The following MSI1 variants were observed in gnomAD, a reference collection of about 807,000 sequenced individuals.
MSI1 encodes musashi RNA binding protein 1, also known as RNA-binding protein Musashi homolog 1.
Under a neutral mutation model 54.4 loss-of-function variants are expected in MSI1, and 15 were observed. The ratio of observed to expected loss-of-function variants is 0.28; its 90% CI spans 0.18 to 0.42. The LOEUF is 0.42. Ranked by LOEUF, MSI1 falls within the 20% of genes least tolerant of loss-of-function variation. The probability of loss-of-function intolerance (pLI) is 1.00; values close to 1 mark genes in which losing one functional copy is unlikely to be tolerated. For synonymous variants in MSI1, 200 were observed against 196.5 expected, an observed-to-expected ratio of 1.02 and a Z score of -0.15; for missense variants, 304 against 506.0, an observed-to-expected ratio of 0.60 and a Z score of 3.83.
intron 10 of MSI1, 114 bp from the exon 11 acceptor site, chr12:120,351,514 G>T: frequency 1.1e-6 from 1 of 884,058 alleles, no homozygotes; most frequent in Non-Finnish European, 1.8e-6. Context: ...GCCATGCACA[G>T]GACCCAAGAG....
rs1876172529 is a variant in MSI1, at chr12:120,368,517, C to T, written c.101-244G>A. Among the ~76,000 whole-genome samples, 1 of 152,044 alleles carries T rather than the reference C, an allele frequency of 6.6e-6. No homozygotes were observed. Among genetic ancestry groups the T allele is most frequent in the African/African-American group, 2.4e-5 (1 of 41,432 alleles). On this transcript the variant is annotated intron_variant, in intron 2 of 14. Transcript: ENST00000257552. The surrounding 1 kb of genome is among the most constrained non-coding windows in gnomAD (Gnocchi z 6.6). ...AAGGGGGACGGCTCCGGCCGGGTTC[C>T]CGCCGCTCCGGGAGCAGCCTCACAA...
intron 7 of MSI1, among the ~76,000 whole-genome samples, chr12:120,358,436 C>A (rs575525334): frequency 1.3e-5 from 2 of 152,314 alleles, no homozygotes; most frequent in South Asian, 4.1e-4. Flanking sequence ...AGAACACATA[C>A]CCCACTCCCA....
chr12:120,366,277 C>T (rs1346410383), intron 4 of MSI1, among the ~76,000 whole-genome samples: 1 of 152,194 alleles, frequency 6.6e-6, no homozygotes, highest in Admixed American at 6.5e-5. Flanking sequence ...ATGGCACAGA[C>T]CAGGAACTAG....
chr12:120,342,489 C>G lies in MSI1; in HGVS notation c.*638G>C, dbSNP rs933602380. 1 of 152,364 alleles carries G rather than the reference C, an allele frequency of 6.6e-6. No individual in the cohort carries two copies. Among genetic ancestry groups the G allele is most frequent in the Non-Finnish European group, 1.5e-5 (1 of 67,984 alleles). The allele number at this position is 152,364 out of a possible 1,614,324, so 9.4% of individuals were successfully genotyped here. On this transcript the variant is annotated 3_prime_UTR_variant, in exon 15 of 15. Coordinates refer to ENST00000257552, the MANE Select transcript of MSI1 (RefSeq NM_002442.4). Reference sequence around the variant, plus strand: ...TTCCAGGGGCTCGGCCTGGCCTCCCCGCAGCCCTGCCCTCCTCTCCAGGGC... The same window carrying G: ...TTCCAGGGGCTCGGCCTGGCCTCCCGGCAGCCCTGCCCTCCTCTCCAGGGC...
intron 11 of MSI1, among the ~76,000 whole-genome samples, chr12:120,351,110 G>A (rs978440332): frequency 2.0e-5 from 3 of 152,072 alleles, no homozygotes; most frequent in African/African-American, 7.2e-5. Flanking sequence ...TTTGCCAAAT[G>A]GATGAATGAG....
intron 6 of MSI1, 110 bp from the exon 7 acceptor site, chr12:120,359,163 C>G: frequency 1.5e-6 from 2 of 1,307,332 alleles, no homozygotes; most frequent in Non-Finnish European, 1.1e-6. Flanking sequence ...CCAGGCTTGA[C>G]CTTCAACCTG....
Position 120,353,284 on chromosome 12 carries a change from C to A in MSI1, c.733+15G>T. On this transcript the variant is annotated intron_variant, in intron 10 of 14. Transcript: ENST00000257552. ...GGGGCATGCTGGCAGCAGAGGGATA[C>A]TGAGCAGGACTTACCGGGGAACTGG... is the stretch of plus-strand genomic sequence containing the variant. 2 of 1,612,942 alleles carry A rather than the reference C, an allele frequency of 1.2e-6. No individual in the cohort carries two copies. The highest frequency in any genetic ancestry group is 1.7e-6 in the Non-Finnish European group (2 of 1,179,012).
In MSI1 at chr12:120,368,849, A is replaced by G. The variant is rs1876205292; in HGVS notation, c.84T>C (p.Ser28=). The G allele has an allele frequency of 3.4e-6, 5 of 1,466,720 alleles. No individual in the cohort carries two copies. The highest frequency in any genetic ancestry group is 2.9e-5 in the African/African-American group (2 of 67,838). 90.9% of individuals were successfully genotyped at this position (1,466,720 alleles called of 1,614,324 possible). The part of the protein sequence containing the change: ...DPCKMFIGGL[S]WQTTQEGLRE... Reference sequence around the variant, plus strand: ...CTCGCTCACCCTGCGTAGTCTGCCAACTGAGTCCCCCGATGAACATCTTGC... The same window carrying G: ...CTCGCTCACCCTGCGTAGTCTGCCAGCTGAGTCCCCCGATGAACATCTTGC... The change falls in exon 2 of 15, where the codon AGT becomes AGC. Residue 28 remains serine (S), a synonymous_variant. Transcript: ENST00000257552. The surrounding 1 kb of genome is among the most constrained non-coding windows in gnomAD (Gnocchi z 6.6).
chr12:120,358,068 C>A (rs1249766330), intron 7 of MSI1, among the ~76,000 whole-genome samples, 170 bp from the exon 8 acceptor site: 2 of 152,180 alleles, frequency 1.3e-5, no homozygotes, highest in Non-Finnish European at 2.9e-5. Context: ...GACAGGGTTT[C>A]AAGTCCCAGA....
At chr12:120,345,089 C>T (rs867890983) in intron 14 of MSI1, among the ~76,000 whole-genome samples, 1 of 151,984 alleles carries the variant, frequency 6.6e-6, no homozygotes, top group African/African-American at 2.4e-5. Context: ...TGGTGGCTCA[C>T]ACCTGTAATC....
At chr12:120,355,402 CAAAA>C (rs34596687) in intron 9 of MSI1, among the ~76,000 whole-genome samples, 3 of 104,486 alleles carry the variant, frequency 2.9e-5, no homozygotes, top group Admixed American at 9.9e-5. Context: ...GACTCCGTCT[CAAAA>C]AAAAAAAAAA....
chr12:120,348,902 TA>T (rs1874370275), intron 11 of MSI1, among the ~76,000 whole-genome samples: 1 of 151,576 alleles, frequency 6.6e-6, no homozygotes, highest in South Asian at 2.1e-4. Context: ...TCAAAAAAAA[TA>T]AATAAATAAA....
chr12:120,346,120 G>A lies in MSI1; in HGVS notation c.1047+15C>T, dbSNP rs1023207423. The A allele has an allele frequency of 6.5e-7, 1 of 1,531,722 alleles. No homozygotes were observed. The highest frequency in any genetic ancestry group is 1.4e-5 in the African/African-American group (1 of 72,882). The allele number at this position is 1,531,722 out of a possible 1,614,324, so 94.9% of individuals were successfully genotyped here. A position where few individuals can be genotyped will look rare whatever the true frequency, so the allele number is the denominator to read the frequency against. On this transcript the variant is annotated intron_variant, in intron 13 of 14. Coordinates refer to ENST00000257552, the MANE Select transcript of MSI1 (RefSeq NM_002442.4). ...GTGGGGGGTGAGGTGGGGGCCGCTA[G>A]GCCTGGCCACTCACCCCAAGACTGT...
intron 4 of MSI1, among the ~76,000 whole-genome samples, chr12:120,365,588 G>C (rs546910434): frequency 1.3e-5 from 2 of 152,308 alleles, no homozygotes; most frequent in African/African-American, 4.8e-5. Flanking sequence ...CTCTTTGTCT[G>C]CAAAAGGCTA....
At chr12:120,363,639 G>A (rs983989653) in intron 5 of MSI1, among the ~76,000 whole-genome samples, 4 of 152,136 alleles carry the variant, frequency 2.6e-5, no homozygotes, top group African/African-American at 7.2e-5. Flanking sequence ...GCTAATCCGC[G>A]GCAATTCCCA....
At chr12:120,357,096 T>G (rs1244236872) in intron 8 of MSI1, 77 bp from the exon 9 acceptor site, 1 of 1,211,554 alleles carries the variant, frequency 8.3e-7, no homozygotes, top group Non-Finnish European at 1.2e-6. Context: ...AAAGCCCCTT[T>G]ATTAATTTTA....
chr12:120,355,133 C>T (rs1379277341), intron 9 of MSI1, among the ~76,000 whole-genome samples: 1 of 150,952 alleles, frequency 6.6e-6, no homozygotes, highest in Non-Finnish European at 1.5e-5. Flanking sequence ...AGGCCGGGCG[C>T]GGTGGCTCAC....
chr12:120,340,620 A>G (rs1430535370), downstream of MSI1, among the ~76,000 whole-genome samples: 1 of 151,696 alleles, frequency 6.6e-6, no homozygotes, highest in African/African-American at 2.4e-5. Flanking sequence ...GGCTCAAGCA[A>G]TCTTCCCACC....
chr12:120,357,032 C>T lies in MSI1; in HGVS notation c.535-13G>A, dbSNP rs1875193313. The T allele has an allele frequency of 1.2e-6, 2 of 1,611,132 alleles. No individual in the cohort carries two copies. Among genetic ancestry groups the T allele is most frequent in the Middle Eastern group, 1.7e-4 (1 of 6,060 alleles). On this transcript the variant is annotated splice_polypyrimidine_tract_variant and intron_variant, in intron 8 of 14. Coordinates refer to ENST00000257552, the MANE Select transcript of MSI1 (RefSeq NM_002442.4). The stretch of plus-strand genomic sequence containing the variant: ...TCTTACATTCCACCTGCAATGAGAC[C>T]TGGCGGTTAGTCTTTCCCACAGAGC...
Sources: allele counts gnomAD v4.1 joint callset (sites outside exome capture counted in the v4.1 genomes callset), GRCh38; gene constraint gnomAD v4.1.1; non-coding constraint Gnocchi (gnomAD v3.1); transcripts MANE v1.5; gene names NCBI Gene and HGNC (gene_info 2026-07-23, HGNC 2026-07-21).